GRIK2: variants seen among roughly 807,000 people sequenced by gnomAD.
GRIK2 encodes glutamate receptor ionotropic, kainate 2.
Under a neutral mutation model 100.3 loss-of-function variants are expected in GRIK2, and 32 were observed. The observed-to-expected ratio is 0.32, with a 90% CI of 0.24 to 0.43. GRIK2 has a LOEUF of 0.43. Ranked by LOEUF, GRIK2 falls within the 20% of genes least tolerant of loss-of-function variation. GRIK2 has a pLI of 1.00. For missense variants in GRIK2, 843 were observed against 1,114.9 expected (o/e 0.76, Z 3.47); for synonymous variants, 417 against 389.4 (o/e 1.07, Z -0.83).
chr6:101,443,287 GAAATA>G (rs1321234914), intron 2 of GRIK2, among the ~76,000 whole-genome samples: 1 of 152,078 alleles, frequency 6.6e-6, no homozygotes, highest in East Asian at 1.9e-4. Context: ...CAGCTTACTT[GAAATA>G]AAATAAAGGG....
intron 7 of GRIK2, among the ~76,000 whole-genome samples, chr6:101,698,026 C>T (rs770722414): frequency 2.0e-5 from 3 of 152,040 alleles, no homozygotes; most frequent in African/African-American, 4.8e-5. Flanking sequence ...TATACAAAAG[C>T]GACAACTGAA....
intron 14 of GRIK2, among the ~76,000 whole-genome samples, chr6:101,930,548 T>A (rs951849627): frequency 1.3e-5 from 2 of 152,050 alleles, no homozygotes; most frequent in African/African-American, 4.8e-5. Flanking sequence ...AGTGTTTATT[T>A]CTGGTTCATA....
intron 2 of GRIK2, among the ~76,000 whole-genome samples, chr6:101,459,750 C>T (rs542547065): frequency 6.6e-6 from 1 of 151,856 alleles, no homozygotes; most frequent in African/African-American, 2.4e-5. Flanking sequence ...TTGTACTCTG[C>T]TCTGGACCAT....
At chr6:101,913,754 T>C (rs897992970) in intron 12 of GRIK2, among the ~76,000 whole-genome samples, 2 of 151,316 alleles carry the variant, frequency 1.3e-5, no homozygotes, top group Non-Finnish European at 3.0e-5. Flanking sequence ...ATTAACAAAG[T>C]AAAGAGATCT....
At chr6:101,487,899 G>T (rs1229489764) in intron 2 of GRIK2, among the ~76,000 whole-genome samples, 4 of 145,728 alleles carry the variant, frequency 2.7e-5, no homozygotes, top group Non-Finnish European at 6.0e-5. Flanking sequence ...CTGAGTAAAT[G>T]TTATTTTATT....
intron 10 of GRIK2, among the ~76,000 whole-genome samples, chr6:101,820,548 C>T (rs1172369964): frequency 2.0e-5 from 3 of 152,202 alleles, no homozygotes; most frequent in Non-Finnish European, 4.4e-5. Context: ...CAGGTTCAAA[C>T]GATTCTCCTG....
intron 2 of GRIK2, among the ~76,000 whole-genome samples, chr6:101,445,017 G>A (rs138202373): frequency 2.2e-4 from 33 of 151,978 alleles, no homozygotes; most frequent in South Asian, 6.2e-4. Context: ...TATATACCCA[G>A]TATGTAACAG....
In GRIK2 at chr6:101,564,122, T is replaced by G. The variant is rs76042726; in HGVS notation, c.116-57827T>G. ...TCATTAGGCTAATTGCTAGAAGTCATGTCTCCTCAAGTCACGTTTAAGCTG... is the reference window on the plus strand; with the variant it reads ...TCATTAGGCTAATTGCTAGAAGTCAGGTCTCCTCAAGTCACGTTTAAGCTG... On this transcript the variant is annotated intron_variant, in intron 2 of 16. Transcript: ENST00000369134. Among the ~76,000 whole-genome samples the G allele has an allele frequency of 9.6e-3, 1,455 of 152,338 alleles. 22 individuals carry two copies. The highest frequency in any genetic ancestry group is 0.033 in the African/African-American group (1,353 of 41,576).
intron 2 of GRIK2, among the ~76,000 whole-genome samples, chr6:101,547,815 A>G (rs1776319197): frequency 6.6e-6 from 1 of 151,826 alleles, no homozygotes; most frequent in African/African-American, 2.4e-5. Context: ...CATGATTTAT[A>G]ATCCTTTGGG....
At chr6:101,484,523 A>G (rs965251080) in intron 2 of GRIK2, among the ~76,000 whole-genome samples, 1 of 141,992 alleles carries the variant, frequency 7.0e-6, no homozygotes, top group African/African-American at 2.6e-5. Flanking sequence ...AACATTTAAA[A>G]TGTATATATG....
chr6:101,553,826 G>A (rs950512622), intron 2 of GRIK2, among the ~76,000 whole-genome samples: 4 of 152,182 alleles, frequency 2.6e-5, no homozygotes, highest in Non-Finnish European at 4.4e-5. Flanking sequence ...TAAGAACAAA[G>A]GCTAAAACAG....
At chr6:101,809,208 C>CTTT (rs1175335138) in intron 9 of GRIK2, among the ~76,000 whole-genome samples, 1 of 151,854 alleles carries the variant, frequency 6.6e-6, no homozygotes, top group Non-Finnish European at 1.5e-5. Flanking sequence ...TAAAACTCAA[C>CTTT]TATCTTGATA....
chr6:101,440,538 A>G (rs898827387), intron 2 of GRIK2, among the ~76,000 whole-genome samples: 3 of 152,318 alleles, frequency 2.0e-5, no homozygotes, highest in East Asian at 3.9e-4. Context: ...TCATTTGAGG[A>G]AGATTATTAT....
chr6:101,406,779 A>G (rs1775619366), intron 2 of GRIK2, among the ~76,000 whole-genome samples: 1 of 152,186 alleles, frequency 6.6e-6, no homozygotes, highest in Admixed American at 6.5e-5. Context: ...AATGCTTTGT[A>G]AATTGATATT....
Position 102,035,404 on chromosome 6 carries a change from C to G in GRIK2, c.2149C>G (p.Leu717Val). 5 of 1,609,076 alleles carry G rather than the reference C, an allele frequency of 3.1e-6. No homozygotes were observed. The highest frequency in any genetic ancestry group is 3.4e-6 in the Non-Finnish European group (4 of 1,176,516). ...TATGAGTAGCAGAAGGCAGTCAGTGCTGGTCAAAAGTAATGAAGAAGGAAT... is the reference window on the plus strand; with the variant it reads ...TATGAGTAGCAGAAGGCAGTCAGTGGTGGTCAAAAGTAATGAAGAAGGAAT... Reference protein sequence around the residue: ...AFMSSRRQSVLVKSNEEGIQR... With the variant: ...AFMSSRRQSVVVKSNEEGIQR... Residue 717 changes from leucine (L) to valine (V), a missense_variant, in exon 15 of 17, where the codon CTG becomes GTG. This residue lies in a region of GRIK2 where 237 missense variants were observed against 388.0 expected (regional missense o/e 0.61). Transcript: ENST00000369134.
intron 2 of GRIK2, among the ~76,000 whole-genome samples, chr6:101,415,773 C>T (rs527271344): frequency 6.6e-6 from 1 of 152,178 alleles, no homozygotes; most frequent in Admixed American, 6.5e-5. Context: ...ATCATATATA[C>T]CTGAATTTGA....
chr6:101,664,651 C>G (rs1217676845), intron 4 of GRIK2, among the ~76,000 whole-genome samples: 1 of 152,136 alleles, frequency 6.6e-6, no homozygotes, highest in Non-Finnish European at 1.5e-5. Context: ...GAAACAGAAA[C>G]AGCATATTGA....
chr6:102,037,249 T>A (rs1302727826), intron 15 of GRIK2, among the ~76,000 whole-genome samples: 2 of 151,268 alleles, frequency 1.3e-5, no homozygotes, highest in Non-Finnish European at 3.0e-5. Flanking sequence ...AATAGGCAAG[T>A]GTAGCTGAGT....
At chr6:102,016,560 A>T (rs989407165) in intron 14 of GRIK2, among the ~76,000 whole-genome samples, 1 of 151,416 alleles carries the variant, frequency 6.6e-6, no homozygotes, top group Non-Finnish European at 1.5e-5. Context: ...AAATAAAAAA[A>T]TTCAAAAAAA....
Sources: allele counts gnomAD v4.1 joint callset (sites outside exome capture counted in the v4.1 genomes callset), GRCh38; gene constraint gnomAD v4.1.1; regional missense constraint gnomAD v4.1.1; transcripts MANE v1.5; gene names NCBI Gene and HGNC (gene_info 2026-07-23, HGNC 2026-07-21).